The following KBTBD12 variants were observed in gnomAD, a reference collection of about 807,000 sequenced individuals.
KBTBD12 encodes the protein kelch repeat and BTB domain containing 12.
KBTBD12 carries 53 observed loss-of-function variants against 58.7 expected under a neutral mutation model. The observed-to-expected ratio is 0.90, with a 90% confidence interval of 0.72 to 1.14. The LOEUF is 1.14. Ranked by LOEUF, KBTBD12 falls within the 50% of genes most tolerant of loss-of-function variation. The pLI is 0.00. For synonymous variants in KBTBD12, 236 were observed against 259.8 expected (o/e 0.91, Z 0.88); for missense variants, 704 against 751.3 (o/e 0.94, Z 0.74).
In KBTBD12 at chr3:127,942,441, G is replaced by A. The variant is rs186944791; in HGVS notation, c.1492+12158G>A. ...GTTCATGCAATATTTTTCTGTGTCT[G>A]GCTTATTTCACTTAGTGTAATGTCT... On this transcript the variant is annotated intron_variant, in intron 4 of 5. Coordinates refer to ENST00000405109, the MANE Select transcript of KBTBD12 (RefSeq NM_207335.4). 1.9e-3 allele frequency among the ~76,000 whole-genome samples: 292 copies of A among 151,786 alleles called. 1 individual carries two copies. The highest frequency in any genetic ancestry group is 5.9e-3 in the African/African-American group (243 of 41,404).
chr3:127,975,407 C>T (rs1012238732), intron 5 of KBTBD12, among the ~76,000 whole-genome samples: 3 of 152,214 alleles, frequency 2.0e-5, no homozygotes, highest in Non-Finnish European at 2.9e-5. Flanking sequence ...GCTGATACTT[C>T]TGACAGTCTC....
At chr3:127,966,595 A>G (rs77390251) in intron 5 of KBTBD12, among the ~76,000 whole-genome samples, 3,661 of 152,370 alleles carry the variant, frequency 0.024, 137 homozygotes, top group African/African-American at 0.083. Flanking sequence ...AAAAGCAATT[A>G]TATGGAAAAT....
intron 4 of KBTBD12, among the ~76,000 whole-genome samples, chr3:127,961,820 ATGG>A (rs1940445830): frequency 6.6e-6 from 1 of 152,242 alleles, no homozygotes; most frequent in Non-Finnish European, 1.5e-5. Flanking sequence ...AAAGCAGGTG[ATGG>A]TGAAAATACC....
At chr3:127,976,025 CATTATTTAACATTTGCTCAATCATGCA>C (rs879925860) in intron 5 of KBTBD12, among the ~76,000 whole-genome samples, 8 of 152,148 alleles carry the variant, frequency 5.3e-5, no homozygotes, top group Non-Finnish European at 1.0e-4. Context: ...TCCTAATTTG[CATTATTTAACATTTGCTCAATCATGCA>C]ATACCCATAC....
At chr3:127,949,172 T>A (rs948406780) in intron 4 of KBTBD12, among the ~76,000 whole-genome samples, 1 of 152,222 alleles carries the variant, frequency 6.6e-6, no homozygotes, top group Non-Finnish European at 1.5e-5. Flanking sequence ...TTGGAAAAGA[T>A]GTCACAGAGA....
At chr3:127,941,633 C>G (rs925458130) in intron 4 of KBTBD12, among the ~76,000 whole-genome samples, 12 of 152,172 alleles carry the variant, frequency 7.9e-5, no homozygotes, top group Non-Finnish European at 1.8e-4. Flanking sequence ...GTTGCCTAGG[C>G]TGGAGTGCAG....
chr3:127,968,839 G>T, intron 5 of KBTBD12, among the ~76,000 whole-genome samples: 1 of 146,738 alleles, frequency 6.8e-6, no homozygotes, highest in East Asian at 2.0e-4. Context: ...TAGAATAAAG[G>T]GAAAAAAACA....
intron 4 of KBTBD12, among the ~76,000 whole-genome samples, chr3:127,957,210 C>T (rs1391881858): frequency 6.6e-6 from 1 of 152,162 alleles, no homozygotes; most frequent in East Asian, 1.9e-4. Flanking sequence ...TTCTGTAAAT[C>T]ATTTCACTTA....
chr3:127,963,978 T>C (rs549325496), intron 5 of KBTBD12, among the ~76,000 whole-genome samples: 1 of 152,338 alleles, frequency 6.6e-6, no homozygotes, highest in South Asian at 2.1e-4. Flanking sequence ...CTAATGCATG[T>C]GTTTATTACT....
At chr3:127,926,603 A>G (rs1177945768) in intron 2 of KBTBD12, among the ~76,000 whole-genome samples, 2 of 152,142 alleles carry the variant, frequency 1.3e-5, no homozygotes. Flanking sequence ...GTCAAGCCTC[A>G]AGTAAAGATG....
chr3:127,921,808 T>C (rs1939417209), intron 1 of KBTBD12, among the ~76,000 whole-genome samples: 1 of 152,202 alleles, frequency 6.6e-6, no homozygotes. Flanking sequence ...AGTTGATTTA[T>C]GTTTGGGAAT....
intron 4 of KBTBD12, among the ~76,000 whole-genome samples, chr3:127,946,537 T>C (rs1940087396): frequency 6.6e-6 from 1 of 152,228 alleles, no homozygotes; most frequent in South Asian, 2.1e-4. Context: ...CTTTTTTCTC[T>C]GACTTCATGT....
chr3:127,984,188 C>G lies in KBTBD12; in HGVS notation c.1782C>G (p.Asp594Glu), dbSNP rs147621033. The G allele has an allele frequency of 6.2e-7, 1 of 1,613,654 alleles. No homozygotes were observed. Among genetic ancestry groups the G allele is most frequent in the African/African-American group, 1.3e-5 (1 of 74,922 alleles). Reference sequence around the variant, plus strand: ...TAGCCATCAACGTCCTCATGCATGACAGCTATGATGTCTGCCTAGTAGCCA... The same window carrying G: ...TAGCCATCAACGTCCTCATGCATGAGAGCTATGATGTCTGCCTAGTAGCCA... The part of the protein sequence containing the change: ...NVVAINVLMH[D>E]SYDVCLVARM... Residue 594 changes from aspartate (D) to glutamate (E), a missense_variant, in exon 6 of 6, where the codon GAC (aspartate) becomes GAG (glutamate). Physicochemically the swap from Asp to Glu is conservative, Grantham distance 45 (BLOSUM62 2). Transcript: ENST00000405109.
In KBTBD12 at chr3:127,984,181, T is replaced by A. The variant is rs760633940; in HGVS notation, c.1775T>A (p.Met592Lys). 1 of 1,613,920 alleles carries A rather than the reference T, an allele frequency of 6.2e-7. No homozygotes were observed. Among genetic ancestry groups the A allele is most frequent in the Non-Finnish European group, 8.5e-7 (1 of 1,179,790 alleles). ...QWNVVAINVL[M>K]HDSYDVCLVA... ...AATGTTGTAGCCATCAACGTCCTCA[T>A]GCATGACAGCTATGATGTCTGCCTA... Residue 592 changes from methionine to lysine, a missense_variant, in exon 6 of 6, where the codon ATG becomes AAG. Physicochemically the swap from Met to Lys is moderately conservative, Grantham distance 95. Transcript: ENST00000405109.
At chr3:127,942,970 A>G (rs1939989606) in intron 4 of KBTBD12, among the ~76,000 whole-genome samples, 1 of 152,108 alleles carries the variant, frequency 6.6e-6, no homozygotes, top group South Asian at 2.1e-4. Context: ...TAACTAATTT[A>G]TTCTCATGAG....
Position 127,923,416 on chromosome 3 carries a change from G to T in KBTBD12, c.355G>T (p.Val119Leu), listed in dbSNP as rs868725799. 6.2e-7 allele frequency: 1 copy of T among 1,612,948 alleles called. No individual in the cohort carries two copies. The highest frequency in any genetic ancestry group is 1.6e-4 in the Middle Eastern group (1 of 6,062). ...TATGCAGATGGAAGAAGTCTTCAGT[G>T]TGTGTCAAAAATATATGATGGACCA... The part of the protein sequence containing the change: ...YFMQMEEVFS[V>L]CQKYMMDHMD... The change falls in exon 2 of 6, where the codon GTG (valine) becomes TTG (leucine). Residue 119 changes from valine (V) to leucine (L), a missense_variant. Coordinates refer to ENST00000405109, the MANE Select transcript of KBTBD12 (RefSeq NM_207335.4).
At chr3:127,936,416 A>G (rs1039530024) in intron 4 of KBTBD12, among the ~76,000 whole-genome samples, 1 of 152,028 alleles carries the variant, frequency 6.6e-6, no homozygotes, top group Non-Finnish European at 1.5e-5. Flanking sequence ...AACAATCATC[A>G]ATGGAGATTT....
intron 4 of KBTBD12, among the ~76,000 whole-genome samples, chr3:127,945,164 CTTTTTTTTTTTTTTTTTTTTTTTT>C (rs56216317): frequency 2.1e-4 from 6 of 28,772 alleles, no homozygotes; most frequent in Admixed American, 1.1e-3. Flanking sequence ...TAGTAGCTAT[CTTTTTTTTTTTTTTTTTTTTTTTT>C]TTTTTTTTTT....
chr3:127,980,650 G>A (rs547220220), intron 5 of KBTBD12, among the ~76,000 whole-genome samples: 3 of 152,106 alleles, frequency 2.0e-5, no homozygotes, highest in Admixed American at 6.6e-5. Context: ...GTCTTTGACC[G>A]GATTATAATT....
Sources: allele counts gnomAD v4.1 joint callset (sites outside exome capture counted in the v4.1 genomes callset), GRCh38; gene constraint gnomAD v4.1.1; transcripts MANE v1.5; gene names NCBI Gene and HGNC (gene_info 2026-07-23, HGNC 2026-07-21).